Variants in RNF145 observed in about 807,000 individuals in gnomAD.
RNF145 encodes the protein ring finger protein 145.
RNF145 carries 12 observed loss-of-function variants against 57.3 expected under a neutral mutation model. That is an observed-to-expected ratio of 0.21 (90% confidence interval 0.13 to 0.34). The LOEUF is 0.34. Ranked by LOEUF, RNF145 falls within the 10% of genes least tolerant of loss-of-function variation. The pLI, the probability that RNF145 is intolerant of heterozygous loss-of-function variation, is 1.00. For missense variants in RNF145, 429 were observed against 799.0 expected (o/e 0.54, Z 5.58); for synonymous variants, 262 against 288.3 (o/e 0.91, Z 0.92).
intron 3 of RNF145, among the ~76,000 whole-genome samples, chr5:159,185,649 T>C (rs1216007725): frequency 6.6e-6 from 1 of 152,220 alleles, no homozygotes; most frequent in East Asian, 1.9e-4. Context: ...CAACAACATA[T>C]GATTCTCTTA....
intron 10 of RNF145, 109 bp downstream of exon 10, chr5:159,161,157 C>T (rs761979851): frequency 2.5e-5 from 16 of 632,674 alleles, no homozygotes; most frequent in Middle Eastern, 4.6e-4. Context: ...TTTTTTAATC[C>T]AGAAGATAAT....
rs1331874880 is a variant in RNF145, at chr5:159,161,434, G to A, written c.1458C>T (p.Gly486=). ...ETIFGEWTVM[G]SMIIFIHSYY... ...AGGAATGAATGAAGATGATCATTGAGCCCATCACTGTCCATTCTCCAAAGA... is the reference window on the plus strand; with the variant it reads ...AGGAATGAATGAAGATGATCATTGAACCCATCACTGTCCATTCTCCAAAGA... Residue 486 remains glycine, a synonymous_variant, in exon 10 of 11, where the codon GGC becomes GGT. Coordinates refer to ENST00000424310, the MANE Select transcript of RNF145 (RefSeq NM_001199383.2). The A allele has an allele frequency of 5.0e-6, 8 of 1,614,034 alleles. No individual in the cohort carries two copies. The highest frequency in any genetic ancestry group is 6.8e-6 in the Non-Finnish European group (8 of 1,180,038).
intron 3 of RNF145, among the ~76,000 whole-genome samples, chr5:159,182,287 T>C (rs1784919055): frequency 6.6e-6 from 1 of 152,104 alleles, no homozygotes; most frequent in Non-Finnish European, 1.5e-5. Context: ...CTCCACATTA[T>C]GAAATTTTCT....
chr5:159,183,667 A>G (rs1353512037), intron 3 of RNF145, among the ~76,000 whole-genome samples: 2 of 152,200 alleles, frequency 1.3e-5, no homozygotes, highest in Non-Finnish European at 2.9e-5. Flanking sequence ...TTTATACCTA[A>G]AAGAGATACA....
At chr5:159,190,630 C>T (rs977786422) in intron 3 of RNF145, among the ~76,000 whole-genome samples, 1 of 139,090 alleles carries the variant, frequency 7.2e-6, no homozygotes, top group African/African-American at 2.7e-5. Context: ...CTACAGTGAG[C>T]AATGACTGCA....
rs566234240 is a variant in RNF145, at chr5:159,157,937, C to A, written c.*733G>T. ...GTTTTAGTTTACTTCACACAGCCAG[C>A]GAAGTATACAACATATTTAACAAAA... On this transcript the variant is annotated 3_prime_UTR_variant, in exon 11 of 11. Transcript: ENST00000424310. 6.5e-6 allele frequency: 1 copy of A among 152,792 alleles called. No individual in the cohort carries two copies. Among genetic ancestry groups the A allele is most frequent in the South Asian group, 2.1e-4 (1 of 4,826 alleles). 9.5% of individuals were successfully genotyped at this position (152,792 alleles called of 1,614,324 possible). A position where few individuals can be genotyped will look rare whatever the true frequency, so the allele number is the denominator to read the frequency against.
At position 159,169,823 on chromosome 5, in the gene RNF145, G is replaced by GA. The variant is rs933724274; in HGVS notation, c.798-5dup. The GA allele has an allele frequency of 1.3e-6, 2 of 1,586,618 alleles. No individual in the cohort carries two copies. The highest frequency in any genetic ancestry group is 2.3e-5 in the East Asian group (1 of 43,792). ...AGTGCTGCAGCATTCCGCAATACTG[G>GA]AAAAAAAGAGGGGGAAATTAACAGA... On this transcript the variant is annotated splice_polypyrimidine_tract_variant and splice_region_variant and intron_variant, in intron 6 of 10. Transcript: ENST00000424310.
chr5:159,191,173 C>A (rs1489154875), intron 3 of RNF145, among the ~76,000 whole-genome samples: 3 of 151,938 alleles, frequency 2.0e-5, no homozygotes, highest in African/African-American at 7.3e-5. Flanking sequence ...GGGCCACACG[C>A]AGCCCAGGAG....
chr5:159,167,839 T>A (rs1784435328), intron 8 of RNF145, among the ~76,000 whole-genome samples: 1 of 152,184 alleles, frequency 6.6e-6, no homozygotes, highest in South Asian at 2.1e-4. Context: ...TGTTTGGCAA[T>A]GTGTGTTATG....
intron 4 of RNF145, among the ~76,000 whole-genome samples, chr5:159,178,092 C>A (rs1011632303): frequency 2.0e-5 from 3 of 151,658 alleles, no homozygotes; most frequent in Non-Finnish European, 3.0e-5. Flanking sequence ...CATTTTTTTT[C>A]TTAATAGTAC....
chr5:159,185,178 T>C (rs1785018063), intron 3 of RNF145, among the ~76,000 whole-genome samples: 1 of 152,164 alleles, frequency 6.6e-6, no homozygotes, highest in South Asian at 2.1e-4. Flanking sequence ...AAATCCTCCA[T>C]TTGGCTGACT....
chr5:159,208,257 G>C, intron 1 of RNF145: 1 of 788,998 alleles, frequency 1.3e-6, no homozygotes, highest in Non-Finnish European at 1.7e-6. Flanking sequence ...AAGAGATTAC[G>C]TTCAGCAAAA....
At chr5:159,165,200 G>T (rs7726254) in intron 8 of RNF145, among the ~76,000 whole-genome samples, 1 of 152,044 alleles carries the variant, frequency 6.6e-6, no homozygotes, top group African/African-American at 2.4e-5. Flanking sequence ...AAGGCCTGGA[G>T]AATAAACCAC....
chr5:159,174,473 T>C (rs1260230838), intron 5 of RNF145, among the ~76,000 whole-genome samples: 1 of 152,174 alleles, frequency 6.6e-6, no homozygotes, highest in Non-Finnish European at 1.5e-5. Flanking sequence ...TTGAGGAGAC[T>C]TGGTAAACAC....
At position 159,158,886 on chromosome 5, in the gene RNF145, AAC is replaced by A; in HGVS notation, c.1774_1775del (p.Val592SerfsTer8). On this transcript the variant is annotated frameshift_variant, in exon 11 of 11. Coordinates refer to ENST00000424310, the MANE Select transcript of RNF145 (RefSeq NM_001199383.2). LOFTEE classifies it low-confidence loss of function (END_TRUNC). ...GCTCAGCTCCAGCATGAGGCTGTAGAACTGGCTCAGTTCCTAATCCTGGAAGC... is the reference window on the plus strand; with the variant it reads ...GCTCAGCTCCAGCATGAGGCTGTAGATGGCTCAGTTCCTAATCCTGGAAGC... ...SQLPGLGTEP[V>X]LQPHAGAEQN... is the part of the protein sequence containing the mutation. 2 of 1,613,902 alleles carry A rather than the reference AAC, an allele frequency of 1.2e-6. No homozygotes were observed. The highest frequency in any genetic ancestry group is 1.7e-6 in the Non-Finnish European group (2 of 1,179,860).
At chr5:159,191,016 G>A (rs1229764589) in intron 3 of RNF145, among the ~76,000 whole-genome samples, 1 of 149,996 alleles carries the variant, frequency 6.7e-6, no homozygotes, top group Non-Finnish European at 1.5e-5. Context: ...CGGTTTCCCT[G>A]AGCCTAACTG....
intron 3 of RNF145, among the ~76,000 whole-genome samples, chr5:159,188,111 A>G (rs146489176): frequency 1.3e-5 from 2 of 152,202 alleles, no homozygotes; most frequent in Non-Finnish European, 2.9e-5. Context: ...GGCCAGGCAC[A>G]GTGGCTCATG....
At chr5:159,208,891 C>T (rs1178437987) in intron 1 of RNF145, among the ~76,000 whole-genome samples, 1 of 149,886 alleles carries the variant, frequency 6.7e-6, no homozygotes, top group Non-Finnish European at 1.5e-5. Flanking sequence ...CGCTCCAGGC[C>T]CTGGGAAGAG....
chr5:159,209,507 G>GCGGCGGCGGCGGCGT lies in RNF145; in HGVS notation c.-317_-316insACGCCGCCGCCGCCG, dbSNP rs1221493868. 6 of 981,266 alleles carry GCGGCGGCGGCGGCGT rather than the reference G, an allele frequency of 6.1e-6. No individual in the cohort carries two copies. The African/African-American group carries it at 7.1e-5, about 12-fold the overall frequency. The allele number at this position is 981,266 out of a possible 1,614,324, so 60.8% of individuals were successfully genotyped here. A position where few individuals can be genotyped will look rare whatever the true frequency, so the allele number is the denominator to read the frequency against. ...CCCTTAGCAGCCGGCGCCGGCGTCG[G>GCGGCGGCGGCGGCGT]CGGCCATGGCCTCCTGCGTTTGCTC... On this transcript the variant is annotated 5_prime_UTR_variant, in exon 1 of 11. Coordinates refer to ENST00000424310, the MANE Select transcript of RNF145 (RefSeq NM_001199383.2).
Sources: allele counts gnomAD v4.1 joint callset (sites outside exome capture counted in the v4.1 genomes callset), GRCh38; gene constraint gnomAD v4.1.1; transcripts MANE v1.5; gene names NCBI Gene and HGNC (gene_info 2026-07-23, HGNC 2026-07-21).